MCPH1: variants seen among roughly 807,000 people sequenced by gnomAD.
The protein encoded by MCPH1 is microcephalin.
A neutral mutation model predicts 84.5 loss-of-function variants in MCPH1; 104 were observed. The observed-to-expected ratio is 1.23, with a 90% CI of 1.05 to 1.45. The LOEUF (loss-of-function observed/expected upper bound fraction) is 1.45. MCPH1 is among the 40% of genes most tolerant of loss of function. The pLI is 0.00. For synonymous variants in MCPH1, 514 were observed against 366.8 expected, an observed-to-expected ratio of 1.40 and a Z score of -4.58; for missense variants, 1,498 against 1,005.7, an observed-to-expected ratio of 1.49 and a Z score of -6.62.
chr8:6,626,595 C>A, intron 13 of MCPH1: 1 of 984,354 alleles, frequency 1.0e-6, no homozygotes, highest in Non-Finnish European at 1.2e-6. Context: ...TTACCTTTAC[C>A]TGATATTGAT....
chr8:6,578,582 T>G (rs1444885393), intron 12 of MCPH1, among the ~76,000 whole-genome samples: 1 of 152,202 alleles, frequency 6.6e-6, no homozygotes, highest in Non-Finnish European at 1.5e-5. Flanking sequence ...AGCAGAATAT[T>G]TCATTGCTAC....
chr8:6,624,713 C>T (rs1831874834), intron 13 of MCPH1, among the ~76,000 whole-genome samples: 1 of 152,026 alleles, frequency 6.6e-6, no homozygotes, highest in African/African-American at 2.4e-5. Flanking sequence ...AATTGAATTC[C>T]AATCTGGTAG....
chr8:6,642,728 A>G (rs556221826), intron 13 of MCPH1: 126 of 522,492 alleles, frequency 2.4e-4, no homozygotes, highest in African/African-American at 2.2e-3. Context: ...CACAACGGGA[A>G]CGTGCCCTGC....
In MCPH1 at chr8:6,442,011, A is replaced by G. The variant is rs2053618; in HGVS notation, c.581-56A>G. On this transcript the variant is annotated intron_variant, in intron 6 of 13. Coordinates refer to ENST00000344683, the MANE Select transcript of MCPH1 (RefSeq NM_024596.5). Reference sequence around the variant, plus strand: ...AATAGGAGGACTTCCTGCTGGCTTCATCTGCTAAGAAATACTGAAACTTTA... The same window carrying G: ...AATAGGAGGACTTCCTGCTGGCTTCGTCTGCTAAGAAATACTGAAACTTTA... 992,168 of 1,238,778 alleles carry G rather than the reference A, an allele frequency of 0.8. 404,286 individuals carry two copies. Among genetic ancestry groups the G allele is most frequent in the Admixed American group, 0.84 (49,918 of 59,080 alleles). 76.7% of individuals were successfully genotyped at this position (1,238,778 alleles called of 1,614,324 possible). A position where few individuals can be genotyped will look rare whatever the true frequency, so the allele number is the denominator to read the frequency against.
In MCPH1 at chr8:6,419,783, G is replaced by C. The variant is rs1032079938; in HGVS notation, c.233+4900G>C. 2.0e-5 allele frequency among the ~76,000 whole-genome samples: 3 copies of C among 152,092 alleles called. 1 individual carries two copies. Among genetic ancestry groups the C allele is most frequent in the Non-Finnish European group, 4.4e-5 (3 of 68,022 alleles). On this transcript the variant is annotated intron_variant, in intron 3 of 13. Transcript: ENST00000344683. ...CAAAGTGCTGGGATTACTGGTGTGA[G>C]CCACTGCACCCAGCTGATAATATTT...
At chr8:6,412,272 C>G (rs1358556084) in intron 2 of MCPH1, among the ~76,000 whole-genome samples, 4 of 152,138 alleles carry the variant, frequency 2.6e-5, no homozygotes. Flanking sequence ...CTAACATTTA[C>G]TTGGGATGAG....
intron 8 of MCPH1, chr8:6,446,560 A>G: frequency 1.0e-6 from 1 of 982,870 alleles, no homozygotes; most frequent in African/African-American, 1.7e-5. Context: ...ATTTGACAAG[A>G]AACTGTATTT....
rs577338917 is a variant in MCPH1, at chr8:6,547,668, G to C, written c.2214+47739G>C. On this transcript the variant is annotated intron_variant, in intron 12 of 13. Coordinates refer to ENST00000344683, the MANE Select transcript of MCPH1 (RefSeq NM_024596.5). ...TGAGTGCCTTTGAGTGACGGTGTGT[G>C]ACACACAGCACAGCAGCACCATTTC... is the stretch of plus-strand genomic sequence containing the variant. Among the ~76,000 whole-genome samples, 191 of 152,166 alleles carry C rather than the reference G, an allele frequency of 1.3e-3. 1 individual carries two copies. The highest frequency in any genetic ancestry group is 2.0e-3 in the Admixed American group (30 of 15,296).
At chr8:6,623,372 T>C (rs2936538) in intron 13 of MCPH1, among the ~76,000 whole-genome samples, 151,699 of 151,772 alleles carry the variant, frequency 1, 75,813 homozygotes, top group South Asian at 1. Flanking sequence ...CTCTCTCTCC[T>C]GTTCTCTCAT....
At chr8:6,526,646 T>G (rs1563347309) in intron 12 of MCPH1, among the ~76,000 whole-genome samples, 1 of 152,230 alleles carries the variant, frequency 6.6e-6, no homozygotes, top group Non-Finnish European at 1.5e-5. Flanking sequence ...TTCAGCTTAG[T>G]TCTTGATTAA....
chr8:6,644,110 T>G lies in MCPH1; in HGVS notation c.*1061T>G, dbSNP rs112597107. 1 of 151,974 alleles carries G rather than the reference T, an allele frequency of 6.6e-6. No individual in the cohort carries two copies. The highest frequency in any genetic ancestry group is 1.9e-4 in the East Asian group (1 of 5,190). 9.4% of individuals were successfully genotyped at this position (151,974 alleles called of 1,614,324 possible). A position where few individuals can be genotyped will look rare whatever the true frequency, so the allele number is the denominator to read the frequency against. ...ACTAAAAATACAAAAATCAGCTGGG[T>G]GTGGTGGCACACACCTGTGGTCCCA... On this transcript the variant is annotated 3_prime_UTR_variant, in exon 14 of 14. Transcript: ENST00000344683.
intron 12 of MCPH1, among the ~76,000 whole-genome samples, chr8:6,561,290 C>T (rs952165495): frequency 2.6e-5 from 4 of 152,222 alleles, no homozygotes; most frequent in African/African-American, 9.6e-5. Context: ...ATGAAATCTA[C>T]ATTTGATAGG....
chr8:6,593,253 TTG>T (rs1314596544), intron 12 of MCPH1, among the ~76,000 whole-genome samples: 5 of 150,702 alleles, frequency 3.3e-5, no homozygotes, highest in African/African-American at 1.2e-4. Context: ...CCGGCTAATT[TTG>T]TCTTTTTAAT....
chr8:6,582,847 T>C (rs1171997789), intron 12 of MCPH1, among the ~76,000 whole-genome samples: 1 of 152,226 alleles, frequency 6.6e-6, no homozygotes, highest in East Asian at 1.9e-4. Context: ...CCTTTCTTCA[T>C]AAAGTCTTTC....
intron 12 of MCPH1, among the ~76,000 whole-genome samples, chr8:6,552,354 C>G (rs1483115131): frequency 6.6e-6 from 1 of 152,182 alleles, no homozygotes; most frequent in Non-Finnish European, 1.5e-5. Context: ...AGTACTGGAG[C>G]AGTTTCCACA....
chr8:6,627,363 C>A, intron 13 of MCPH1: 1 of 896,884 alleles, frequency 1.1e-6, no homozygotes, highest in East Asian at 1.2e-4. Flanking sequence ...CCCTTCCAGC[C>A]CCTCTCCTCC....
intron 1 of MCPH1, 109 bp from the exon 2 acceptor site, chr8:6,409,170 G>A (rs1798186083): frequency 1.1e-6 from 1 of 897,610 alleles, no homozygotes; most frequent in East Asian, 2.6e-5. Flanking sequence ...ACAGGCGTGA[G>A]CCACTGTGCC....
chr8:6,545,110 C>T (rs564415711), intron 12 of MCPH1, among the ~76,000 whole-genome samples: 3 of 152,110 alleles, frequency 2.0e-5, no homozygotes, highest in East Asian at 1.9e-4. Flanking sequence ...TGATCCATTT[C>T]CATGAAGCTC....
chr8:6,455,099 T>G, intron 8 of MCPH1, 44 bp from the exon 9 acceptor site: 1 of 1,444,432 alleles, frequency 6.9e-7, no homozygotes, highest in Non-Finnish European at 9.8e-7. Context: ...TTGTATTTGG[T>G]CCATGTAAAG....
Sources: gnomAD v4.1 joint callset for allele counts (sites outside exome capture counted in the v4.1 genomes callset) on GRCh38, gnomAD v4.1.1 for gene constraint, MANE v1.5 for transcripts, NCBI Gene and HGNC (gene_info 2026-07-23, HGNC 2026-07-21) for gene names.